The following PHF21A variants were observed in gnomAD, a reference collection of about 807,000 sequenced individuals.
PHF21A encodes BHC80a.
A neutral mutation model predicts 82.5 loss-of-function variants in PHF21A; 11 were observed. The observed-to-expected ratio is 0.13, with a 90% CI of 0.08 to 0.22. The LOEUF (loss-of-function observed/expected upper bound fraction) is 0.22, where lower values mean the gene tolerates loss of function less well. Ranked by LOEUF, PHF21A falls within the 10% of genes least tolerant of loss-of-function variation. The probability of loss-of-function intolerance (pLI) is 1.00; values close to 1 mark genes in which losing one functional copy is unlikely to be tolerated. For missense variants in PHF21A, 579 were observed against 837.8 expected, an observed-to-expected ratio of 0.69 and a Z score of 3.81; for synonymous variants, 297 against 302.8, an observed-to-expected ratio of 0.98 and a Z score of 0.20.
intron 6 of PHF21A, among the ~76,000 whole-genome samples, chr11:46,016,597 T>A (rs2095522200): frequency 6.6e-6 from 1 of 152,144 alleles, no homozygotes; most frequent in Non-Finnish European, 1.5e-5. Context: ...CTCCCTTCTC[T>A]ATATTCAAAG....
At chr11:46,031,472 AGCCTG>A (rs2138324651) in intron 6 of PHF21A, among the ~76,000 whole-genome samples, 1 of 152,296 alleles carries the variant, frequency 6.6e-6, no homozygotes, top group African/African-American at 2.4e-5. Flanking sequence ...TGGGAGCTGG[AGCCTG>A]GCAACAGGAA....
In PHF21A at chr11:45,934,802, TCTTTTGCC is replaced by T. The variant is rs545004623; in HGVS notation, c.1789-585_1789-578del. ...CTTCTGCTCAGCCGGGGACTTAGAG[TCTTTTGCC>T]CTTTTGCCCTCAGCTTCCCACACCT... On this transcript the variant is annotated intron_variant, in intron 18 of 18. Transcript: ENST00000676320. 3.9e-3 allele frequency: 1,350 copies of T among 345,354 alleles called. 30 individuals are homozygous for T. The highest frequency in any genetic ancestry group is 0.029 in the South Asian group (1,315 of 44,578). 21.4% of individuals were successfully genotyped at this position (345,354 alleles called of 1,614,324 possible). A position where few individuals can be genotyped will look rare whatever the true frequency, so the allele number is the denominator to read the frequency against.
intron 6 of PHF21A, among the ~76,000 whole-genome samples, chr11:46,026,192 C>G (rs2138074385): frequency 6.6e-6 from 1 of 152,162 alleles, no homozygotes; most frequent in Middle Eastern, 3.4e-3. Context: ...ATTTTCAGTC[C>G]TTTGGGGATA....
At chr11:45,950,524 G>A (rs1428743181) in intron 11 of PHF21A, among the ~76,000 whole-genome samples, 3 of 142,878 alleles carry the variant, frequency 2.1e-5, no homozygotes, top group African/African-American at 7.7e-5. Flanking sequence ...TAGCTGATGA[G>A]CTTCAAAAAA....
chr11:45,946,816 A>C (rs2091366722), intron 14 of PHF21A, among the ~76,000 whole-genome samples: 1 of 152,192 alleles, frequency 6.6e-6, no homozygotes. Flanking sequence ...TTCTGTCTGC[A>C]TTTTATGAGG....
intron 6 of PHF21A, among the ~76,000 whole-genome samples, chr11:46,061,717 C>A (rs1268151282): frequency 1.3e-5 from 2 of 152,182 alleles, no homozygotes; most frequent in Non-Finnish European, 2.9e-5. Context: ...GTTTTCTAAA[C>A]CTGTTGTACA....
intron 1 of PHF21A, among the ~76,000 whole-genome samples, chr11:46,117,616 T>C (rs894579568): frequency 6.6e-6 from 1 of 152,192 alleles, no homozygotes; most frequent in Non-Finnish European, 1.5e-5. Flanking sequence ...CTTTCCAAAA[T>C]CTCAACTACT....
intron 6 of PHF21A, among the ~76,000 whole-genome samples, chr11:46,006,352 G>A (rs1383021684): frequency 1.3e-5 from 2 of 152,210 alleles, no homozygotes; most frequent in South Asian, 4.1e-4. Context: ...ATACAATTAG[G>A]GCAAAGGCTA....
chr11:46,087,847 C>T (rs1381818973), intron 3 of PHF21A, among the ~76,000 whole-genome samples: 1 of 152,168 alleles, frequency 6.6e-6, no homozygotes, highest in Non-Finnish European at 1.5e-5. Flanking sequence ...CCTCAACTTG[C>T]TGGGCTCAAG....
At chr11:46,025,615 T>C (rs1199730392) in intron 6 of PHF21A, among the ~76,000 whole-genome samples, 1 of 152,240 alleles carries the variant, frequency 6.6e-6, no homozygotes, top group East Asian at 1.9e-4. Flanking sequence ...TAAAAAATTT[T>C]CACTTTGACA....
chr11:46,009,554 G>A (rs550341338), intron 6 of PHF21A, among the ~76,000 whole-genome samples: 16 of 152,230 alleles, frequency 1.1e-4, no homozygotes, highest in Non-Finnish European at 1.8e-4. Flanking sequence ...TTCTAAGCAC[G>A]CTATGTATTA....
chr11:46,115,850 T>C (rs894992074), intron 1 of PHF21A, among the ~76,000 whole-genome samples: 3 of 152,192 alleles, frequency 2.0e-5, no homozygotes, highest in Non-Finnish European at 4.4e-5. Flanking sequence ...AGCACATTAA[T>C]ATAAGCTTAA....
intron 7 of PHF21A, among the ~76,000 whole-genome samples, chr11:45,974,418 AATTATTATTATTATTATT>A (rs59807950): frequency 1.5e-4 from 22 of 147,324 alleles, no homozygotes; most frequent in Middle Eastern, 3.6e-3. Context: ...TCAAACGACA[AATTATTATTATTATTATT>A]ATTATTATTA....
chr11:46,111,495 T>G (rs2097213669), intron 1 of PHF21A, among the ~76,000 whole-genome samples: 2 of 151,772 alleles, frequency 1.3e-5, no homozygotes, highest in South Asian at 4.2e-4. Flanking sequence ...AATAAATAAA[T>G]AAATAAAACT....
At chr11:46,023,282 C>T (rs2095667401) in intron 6 of PHF21A, among the ~76,000 whole-genome samples, 2 of 152,220 alleles carry the variant, frequency 1.3e-5, no homozygotes, top group African/African-American at 4.8e-5. Flanking sequence ...AGAGAGACAG[C>T]TGATGGCTAA....
chr11:46,027,605 G>A (rs2095775589), intron 6 of PHF21A, among the ~76,000 whole-genome samples: 1 of 152,270 alleles, frequency 6.6e-6, no homozygotes, highest in Non-Finnish European at 1.5e-5. Flanking sequence ...GCCAATCAAC[G>A]AAATGCACTG....
chr11:45,989,832 C>T (rs927375813), intron 6 of PHF21A, among the ~76,000 whole-genome samples: 15 of 151,780 alleles, frequency 9.9e-5, no homozygotes, highest in African/African-American at 3.6e-4. Flanking sequence ...GACCCTGTCT[C>T]TACAAAAAAT....
At chr11:45,955,726 G>C (rs989319415) in intron 10 of PHF21A, among the ~76,000 whole-genome samples, 1 of 152,112 alleles carries the variant, frequency 6.6e-6, no homozygotes, top group African/African-American at 2.4e-5. Context: ...TCAAAACATT[G>C]GTGGTGGTGG....
intron 6 of PHF21A, among the ~76,000 whole-genome samples, chr11:46,002,105 T>C (rs891801479): frequency 1.3e-5 from 2 of 152,220 alleles, no homozygotes; most frequent in Non-Finnish European, 2.9e-5. Flanking sequence ...AGCTCCAATT[T>C]ACATAAGTAA....
Sources: allele counts gnomAD v4.1 joint callset (sites outside exome capture counted in the v4.1 genomes callset), GRCh38; gene constraint gnomAD v4.1.1; transcripts MANE v1.5; gene names NCBI Gene and HGNC (gene_info 2026-07-23, HGNC 2026-07-21).